The following RAB30 variants were observed in gnomAD, a reference collection of about 807,000 sequenced individuals.
RAB30 encodes RAB30, member RAS oncogene family.
In RAB30, 9 loss-of-function variants were observed where a neutral mutation model predicts 25.1. That is an observed-to-expected ratio of 0.36 (90% CI 0.22 to 0.63). The LOEUF (loss-of-function observed/expected upper bound fraction) is 0.63, where lower values mean the gene tolerates loss of function less well. Among genes scored for constraint, RAB30 ranks in the 20% least tolerant of loss-of-function variants. The pLI, the probability that RAB30 is intolerant of heterozygous loss-of-function variation, is 0.69. For synonymous variants in RAB30, 77 were observed against 86.4 expected, an observed-to-expected ratio of 0.89 and a Z score of 0.60; for missense variants, 140 against 243.5, an observed-to-expected ratio of 0.58 and a Z score of 2.83.
chr11:83,013,479 C>T (rs1307983947), intron 1 of RAB30, among the ~76,000 whole-genome samples: 2 of 152,130 alleles, frequency 1.3e-5, no homozygotes, highest in African/African-American at 2.4e-5. Flanking sequence ...GTATTCTCAT[C>T]GCCTGACATT....
intron 1 of RAB30, among the ~76,000 whole-genome samples, chr11:83,057,571 T>C (rs927486055): frequency 6.6e-6 from 1 of 152,016 alleles, no homozygotes; most frequent in South Asian, 2.1e-4. Context: ...GGGCGTTGGG[T>C]TGAGGGAGAG....
At chr11:83,032,896 T>A (rs556417310) in intron 1 of RAB30, among the ~76,000 whole-genome samples, 3 of 152,024 alleles carry the variant, frequency 2.0e-5, no homozygotes, top group African/African-American at 7.2e-5. Flanking sequence ...AATCTATCTA[T>A]CAAGAATGAT....
chr11:83,068,107 G>C (rs990182204), intron 1 of RAB30, among the ~76,000 whole-genome samples: 2 of 140,576 alleles, frequency 1.4e-5, no homozygotes, highest in East Asian at 4.1e-4. Flanking sequence ...CTGGGCGACA[G>C]AGTGAGACTC....
intron 4 of RAB30, among the ~76,000 whole-genome samples, chr11:82,983,678 C>A (rs1361090367): frequency 2.0e-5 from 3 of 152,186 alleles, no homozygotes; most frequent in African/African-American, 7.2e-5. Context: ...AAGCGATCCA[C>A]CTGCCTCGGC....
intron 1 of RAB30, among the ~76,000 whole-genome samples, chr11:83,064,124 C>T (rs1366874814): frequency 6.6e-6 from 1 of 151,862 alleles, no homozygotes; most frequent in Admixed American, 6.6e-5. Flanking sequence ...TTATTTCTTT[C>T]TTTTCTTTTT....
intron 1 of RAB30, among the ~76,000 whole-genome samples, chr11:83,046,671 T>G (rs971964904): frequency 6.6e-6 from 1 of 152,086 alleles, no homozygotes; most frequent in Non-Finnish European, 1.5e-5. Flanking sequence ...TTTATTTTTA[T>G]TTTGTAGAGA....
chr11:82,987,113 T>C (rs1856753113), intron 4 of RAB30: 1 of 152,506 alleles, frequency 6.6e-6, no homozygotes, highest in African/African-American at 2.4e-5. Flanking sequence ...TGAAACAAAC[T>C]ACAGCATTGC....
intron 1 of RAB30, among the ~76,000 whole-genome samples, chr11:83,002,758 A>C (rs1480713941): frequency 6.6e-6 from 1 of 152,188 alleles, no homozygotes; most frequent in East Asian, 1.9e-4. Context: ...ACACTGCTGC[A>C]TTCCACCCTG....
chr11:83,031,331 G>A (rs1351859470), intron 1 of RAB30, among the ~76,000 whole-genome samples: 2 of 152,242 alleles, frequency 1.3e-5, no homozygotes, highest in East Asian at 3.9e-4. Flanking sequence ...TTGACTTGTT[G>A]CGGAAGCCAA....
At chr11:83,064,601 T>A (rs921156566) in intron 1 of RAB30, among the ~76,000 whole-genome samples, 2 of 152,144 alleles carry the variant, frequency 1.3e-5, no homozygotes, top group Non-Finnish European at 2.9e-5. Context: ...AAACAACACT[T>A]ACAATGTCCC....
chr11:83,027,318 C>A (rs774103555), intron 1 of RAB30, among the ~76,000 whole-genome samples: 1 of 152,026 alleles, frequency 6.6e-6, no homozygotes, highest in Non-Finnish European at 1.5e-5. Context: ...CAGTATCCAG[C>A]GTGGATGAGG....
intron 1 of RAB30, among the ~76,000 whole-genome samples, chr11:83,067,224 T>C (rs1379752619): frequency 6.6e-6 from 1 of 152,258 alleles, no homozygotes; most frequent in Non-Finnish European, 1.5e-5. Context: ...TTATTCAATG[T>C]TGTTTTCCTA....
At chr11:83,060,350 A>C (rs947729261) in intron 1 of RAB30, among the ~76,000 whole-genome samples, 1 of 152,202 alleles carries the variant, frequency 6.6e-6, no homozygotes, top group Non-Finnish European at 1.5e-5. Flanking sequence ...TAGATGTTAA[A>C]ACTTTTGAAT....
intron 2 of RAB30, 86 bp from the exon 3 acceptor site, chr11:82,994,208 C>T: frequency 3.5e-6 from 4 of 1,152,908 alleles, no homozygotes; most frequent in Non-Finnish European, 5.1e-6. Context: ...ACACCCATCA[C>T]CGGAGTCCTT....
chr11:83,036,381 TG>T (rs1431496946), intron 1 of RAB30, among the ~76,000 whole-genome samples: 2 of 152,168 alleles, frequency 1.3e-5, no homozygotes, highest in Non-Finnish European at 2.9e-5. Context: ...TGGCCAGAGC[TG>T]GTCTCGAACT....
chr11:82,986,689 T>C (rs1856744249), intron 4 of RAB30, among the ~76,000 whole-genome samples: 2 of 152,250 alleles, frequency 1.3e-5, no homozygotes, highest in Admixed American at 1.3e-4. Flanking sequence ...TTACATGCTA[T>C]GTGACCTTGG....
intron 2 of RAB30, among the ~76,000 whole-genome samples, chr11:82,995,771 C>T (rs1856944662): frequency 6.6e-6 from 1 of 152,144 alleles, no homozygotes; most frequent in Admixed American, 6.5e-5. Context: ...AGGCTAAGAA[C>T]CTGGAACCCG....
Position 82,994,098 on chromosome 11 carries a change from C to T in RAB30, c.118G>A (p.Ala40Thr). 1 of 1,611,026 alleles carries T rather than the reference C, an allele frequency of 6.2e-7. No homozygotes were observed. The highest frequency in any genetic ancestry group is 8.5e-7 in the Non-Finnish European group (1 of 1,177,304). Residue 40 changes from alanine to threonine, a missense_variant, in exon 3 of 5, where the codon GCC (alanine) becomes ACC (threonine). Physicochemically the swap from Ala to Thr is moderately conservative, Grantham distance 58. Coordinates refer to ENST00000527633, the MANE Select transcript of RAB30 (RefSeq NM_001286060.2). ...ATCATAAAATCAACTCCAATTGTGGCTCCTTGACCTGGGGGGAAAAGACCC... is the reference window on the plus strand; with the variant it reads ...ATCATAAAATCAACTCCAATTGTGGTTCCTTGACCTGGGGGGAAAAGACCC... Reference protein sequence around the residue: ...TQGLFPPGQGATIGVDFMIKT... With the variant: ...TQGLFPPGQGTTIGVDFMIKT...
chr11:83,002,455 T>C (rs1357013675), intron 1 of RAB30, among the ~76,000 whole-genome samples: 3 of 151,826 alleles, frequency 2.0e-5, no homozygotes, highest in Non-Finnish European at 4.4e-5. Flanking sequence ...CCCAATATCA[T>C]TGTCACCACA....
Sources: allele counts gnomAD v4.1 joint callset (sites outside exome capture counted in the v4.1 genomes callset), GRCh38; gene constraint gnomAD v4.1.1; transcripts MANE v1.5; gene names NCBI Gene and HGNC (gene_info 2026-07-23, HGNC 2026-07-21).